The following TENM2 variants were observed in gnomAD, a reference collection of about 807,000 sequenced individuals.
TENM2 encodes the protein teneurin-2.
TENM2 carries 52 observed loss-of-function variants against 245.2 expected under a neutral mutation model. The observed-to-expected ratio is 0.21, with a 90% CI of 0.17 to 0.27. TENM2 has a LOEUF of 0.27. Ranked by LOEUF, TENM2 falls within the 10% of genes least tolerant of loss-of-function variation. The pLI is 1.00. For synonymous variants in TENM2, 1,363 were observed against 1,438.9 expected, an observed-to-expected ratio of 0.95 and a Z score of 1.19; for missense variants, 3,046 against 3,666.8, an observed-to-expected ratio of 0.83 and a Z score of 4.37.
At chr5:167,738,392 T>C (rs995959754) in intron 2 of TENM2, among the ~76,000 whole-genome samples, 2 of 152,204 alleles carry the variant, frequency 1.3e-5, no homozygotes, top group Non-Finnish European at 2.9e-5. Context: ...CTAGGCAATT[T>C]GCTTTTAGAA....
At chr5:167,877,888 TTGC>T (rs1773560452) in intron 3 of TENM2, among the ~76,000 whole-genome samples, 1 of 152,240 alleles carries the variant, frequency 6.6e-6, no homozygotes, top group South Asian at 2.1e-4. Context: ...CGCTTATGTT[TTGC>T]TGCTTTTTAT....
At chr5:167,382,123 G>C (rs1375374801) in intron 2 of TENM2, among the ~76,000 whole-genome samples, 1 of 152,128 alleles carries the variant, frequency 6.6e-6, no homozygotes, top group Non-Finnish European at 1.5e-5. Flanking sequence ...AAGTATTTAG[G>C]TGGACTATTT....
intron 2 of TENM2, among the ~76,000 whole-genome samples, chr5:167,630,940 T>C (rs898538107): frequency 5.3e-5 from 8 of 152,214 alleles, no homozygotes; most frequent in African/African-American, 1.7e-4. Flanking sequence ...TATCCTCATG[T>C]ACCCAACCGG....
intron 2 of TENM2, among the ~76,000 whole-genome samples, chr5:167,443,264 C>A (rs1764969659): frequency 6.6e-6 from 1 of 152,156 alleles, no homozygotes; most frequent in Non-Finnish European, 1.5e-5. Flanking sequence ...CTTCATAATG[C>A]TGATCTAGTA....
chr5:167,510,155 T>A (rs1245656566), intron 2 of TENM2, among the ~76,000 whole-genome samples: 1 of 152,238 alleles, frequency 6.6e-6, no homozygotes, highest in Non-Finnish European at 1.5e-5. Context: ...TTGTTTTAAA[T>A]ATACTGAAAT....
chr5:167,925,403 C>T (rs1777674696), intron 3 of TENM2, among the ~76,000 whole-genome samples: 1 of 152,150 alleles, frequency 6.6e-6, no homozygotes, highest in African/African-American at 2.4e-5. Context: ...AGGGAACTTT[C>T]TGGAGTGGTG....
intron 2 of TENM2, among the ~76,000 whole-genome samples, chr5:167,844,560 G>A (rs1364640957): frequency 6.6e-6 from 1 of 152,178 alleles, no homozygotes; most frequent in Non-Finnish European, 1.5e-5. Context: ...TCTTTGGTCT[G>A]AATCACCAGG....
chr5:166,979,450 C>T, the TENM2 span, among the ~76,000 whole-genome samples: 1 of 152,250 alleles, frequency 6.6e-6, no homozygotes, highest in Non-Finnish European at 1.5e-5. Context: ...CCAAAGCGAG[C>T]TGGGACCGAA....
At chr5:167,302,501 G>A (rs1005391407) in intron 1 of TENM2, among the ~76,000 whole-genome samples, 2 of 150,132 alleles carry the variant, frequency 1.3e-5, no homozygotes, top group South Asian at 4.2e-4. Flanking sequence ...GGGTTGGGGT[G>A]CAGAGATAAG....
intron 2 of TENM2, among the ~76,000 whole-genome samples, chr5:167,462,181 A>ACCCGC (rs1766342276): frequency 1.3e-5 from 1 of 75,022 alleles, no homozygotes; most frequent in Non-Finnish European, 2.7e-5. Context: ...CCTGACCCCC[A>ACCCGC]CCCCCCCCCC....
chr5:167,715,875 C>T (rs935210049), intron 2 of TENM2, among the ~76,000 whole-genome samples: 7 of 152,108 alleles, frequency 4.6e-5, no homozygotes, highest in African/African-American at 1.4e-4. Context: ...TAGAAGTTTC[C>T]GTTATTAGGG....
intron 2 of TENM2, among the ~76,000 whole-genome samples, chr5:167,608,042 C>T (rs1197997317): frequency 6.6e-6 from 1 of 152,110 alleles, no homozygotes; most frequent in East Asian, 1.9e-4. Context: ...GACGCCACAT[C>T]CTTTGGCTCT....
In TENM2 at chr5:168,114,235, G is replaced by A. The variant is rs546115424; in HGVS notation, c.1814-4057G>A. On this transcript the variant is annotated intron_variant, in intron 9 of 28. Coordinates refer to ENST00000518659, the Ensembl canonical transcript of TENM2. The stretch of plus-strand genomic sequence containing the variant: ...AGGCCATTTTTTGAAGGGGAAATTG[G>A]GTCTTTGAGAGGTGCAGTAATCTTG... Among the ~76,000 whole-genome samples, 5 of 152,234 alleles carry A rather than the reference G, an allele frequency of 3.3e-5. No individual in the cohort carries two copies. In the East Asian group the frequency reaches 5.8e-4, roughly 18 times the overall value.
chr5:167,611,020 T>C (rs1777442916), intron 2 of TENM2, among the ~76,000 whole-genome samples: 1 of 152,208 alleles, frequency 6.6e-6, no homozygotes, highest in African/African-American at 2.4e-5. Flanking sequence ...TGTTTTAATG[T>C]AGATTATCTT....
intron 25 of TENM2, among the ~76,000 whole-genome samples, chr5:168,236,927 A>G (rs1765469172): frequency 1.0e-5 from 1 of 97,030 alleles, no homozygotes; most frequent in African/African-American, 3.9e-5. Flanking sequence ...TTGAGACCAC[A>G]GATGTCCTAA....
chr5:167,466,299 C>T (rs184331895), intron 2 of TENM2, among the ~76,000 whole-genome samples: 2 of 152,324 alleles, frequency 1.3e-5, no homozygotes, highest in East Asian at 1.9e-4. Context: ...ACTCTCCTCC[C>T]TACTTGTGTT....
At chr5:167,349,651 T>TAC (rs1758697091) in intron 1 of TENM2, among the ~76,000 whole-genome samples, 1 of 152,230 alleles carries the variant, frequency 6.6e-6, no homozygotes, top group Non-Finnish European at 1.5e-5. Context: ...TATGTATATG[T>TAC]ACACACACAG....
chr5:168,136,609 C>T (rs1562203306), intron 12 of TENM2, among the ~76,000 whole-genome samples: 1 of 152,166 alleles, frequency 6.6e-6, no homozygotes, highest in African/African-American at 2.4e-5. Flanking sequence ...AGAAGACAAA[C>T]CTTCACTTTT....
intron 4 of TENM2, among the ~76,000 whole-genome samples, chr5:167,957,160 T>C (rs1392428079): frequency 6.6e-6 from 1 of 152,186 alleles, no homozygotes; most frequent in Non-Finnish European, 1.5e-5. Context: ...GAAATTATTA[T>C]TGGTCTATTC....
Sources: gnomAD v4.1 joint callset for allele counts (sites outside exome capture counted in the v4.1 genomes callset) on GRCh38, gnomAD v4.1.1 for gene constraint, MANE v1.5 for transcripts, NCBI Gene and HGNC (gene_info 2026-07-23, HGNC 2026-07-21) for gene names.